GAS2: variants seen among roughly 807,000 people sequenced by gnomAD.
GAS2 encodes the protein growth arrest specific 2, also known as growth arrest-specific protein 2.
GAS2 carries 20 observed loss-of-function variants against 37.5 expected under a neutral mutation model. The ratio of observed to expected loss-of-function variants is 0.53; its 90% CI spans 0.37 to 0.77. The LOEUF (loss-of-function observed/expected upper bound fraction) is 0.77. Ranked by LOEUF, GAS2 falls within the 30% of genes least tolerant of loss-of-function variation. GAS2 has a pLI of 0.00. For missense variants in GAS2, 336 were observed against 373.4 expected, an observed-to-expected ratio of 0.90 and a Z score of 0.82; for synonymous variants, 144 against 132.2, an observed-to-expected ratio of 1.09 and a Z score of -0.61.
chr11:22,661,379 A>G (rs1368670151), intron 1 of GAS2, among the ~76,000 whole-genome samples: 1 of 152,162 alleles, frequency 6.6e-6, no homozygotes, highest in African/African-American at 2.4e-5. Flanking sequence ...TAGGCTTGGT[A>G]TTGTGATAAA....
chr11:22,731,274 C>A, intron 4 of GAS2: 1 of 402,694 alleles, frequency 2.5e-6, no homozygotes, highest in Admixed American at 2.8e-5. Flanking sequence ...TAAAAATACA[C>A]ACTTTTTTTG....
chr11:22,789,100 A>T (rs550790370), intron 7 of GAS2, among the ~76,000 whole-genome samples: 239 of 150,888 alleles, frequency 1.6e-3, no homozygotes, highest in Non-Finnish European at 2.9e-3. Context: ...AAATATAATT[A>T]TATATATAAT....
At chr11:22,769,127 T>C (rs1166845019) in intron 7 of GAS2, among the ~76,000 whole-genome samples, 3 of 152,194 alleles carry the variant, frequency 2.0e-5, no homozygotes, top group Non-Finnish European at 4.4e-5. Flanking sequence ...GTCCACCTGG[T>C]AGGACTTAAC....
chr11:22,650,016 T>C (rs1216599975), intron 1 of GAS2, among the ~76,000 whole-genome samples: 2 of 151,908 alleles, frequency 1.3e-5, no homozygotes, highest in Non-Finnish European at 2.9e-5. Flanking sequence ...TGTTAGGGTG[T>C]CAATTTTGGA....
At chr11:22,806,171 C>T (rs1856874001) in intron 7 of GAS2, among the ~76,000 whole-genome samples, 1 of 152,156 alleles carries the variant, frequency 6.6e-6, no homozygotes, top group Non-Finnish European at 1.5e-5. Context: ...CTCTCATTCA[C>T]ATGCCTCCGA....
chr11:22,659,546 C>T (rs796242348), intron 1 of GAS2, among the ~76,000 whole-genome samples: 9 of 152,226 alleles, frequency 5.9e-5, no homozygotes, highest in African/African-American at 1.9e-4. Flanking sequence ...AAGCCTTCTT[C>T]GGTATTCTTT....
Position 22,811,963 on chromosome 11 carries a change from G to C in GAS2, c.889G>C (p.Asp297His). The C allele has an allele frequency of 6.2e-7, 1 of 1,614,088 alleles. No homozygotes were observed. Among genetic ancestry groups the C allele is most frequent in the East Asian group, 2.2e-5 (1 of 44,874 alleles). The change falls in exon 8 of 8, where the codon GAT becomes CAT. Residue 297 changes from aspartate to histidine, a missense_variant. By Grantham distance (81) the Asp-to-His change is moderately conservative. Coordinates refer to ENST00000454584, the MANE Select transcript of GAS2 (RefSeq NM_001143830.3). The stretch of plus-strand genomic sequence containing the variant: ...TCCAACTCTAAAGGACATGAATCCA[G>C]ATAACTACTTGGTGGTCTCTGCCAG... ...KSPTLKDMNP[D>H]NYLVVSASYK...
At chr11:22,719,588 G>C (rs1438534550) in intron 3 of GAS2, among the ~76,000 whole-genome samples, 1 of 152,006 alleles carries the variant, frequency 6.6e-6, no homozygotes, top group African/African-American at 2.4e-5. Context: ...ATACAGAATA[G>C]TTTCACTGAC....
chr11:22,780,900 C>T (rs1195451578), intron 7 of GAS2, among the ~76,000 whole-genome samples: 3 of 152,130 alleles, frequency 2.0e-5, no homozygotes, highest in African/African-American at 7.2e-5. Flanking sequence ...TTCAATCAGC[C>T]TTCTATGTCT....
intron 7 of GAS2, among the ~76,000 whole-genome samples, chr11:22,808,352 C>T (rs915067796): frequency 6.6e-6 from 1 of 152,152 alleles, no homozygotes; most frequent in African/African-American, 2.4e-5. Flanking sequence ...CTAATCCTCC[C>T]CTATTGACTG....
chr11:22,707,245 C>G (rs959329227), intron 3 of GAS2, among the ~76,000 whole-genome samples: 1 of 151,602 alleles, frequency 6.6e-6, no homozygotes. Flanking sequence ...ATTGGGGAAA[C>G]ATCATTGTTT....
intron 4 of GAS2, among the ~76,000 whole-genome samples, chr11:22,727,159 A>C (rs1244218814): frequency 6.6e-6 from 1 of 152,092 alleles, no homozygotes; most frequent in African/African-American, 2.4e-5. Flanking sequence ...TAACATGTTC[A>C]AACTTTCCAT....
At chr11:22,726,605 A>G (rs1852228930) in intron 4 of GAS2, among the ~76,000 whole-genome samples, 172 bp downstream of exon 4, 1 of 152,140 alleles carries the variant, frequency 6.6e-6, no homozygotes. Context: ...TACTTTGAAA[A>G]TAGAAAAATG....
intron 4 of GAS2, among the ~76,000 whole-genome samples, chr11:22,729,028 G>A (rs1413828985): frequency 6.6e-6 from 1 of 151,194 alleles, no homozygotes; most frequent in African/African-American, 2.4e-5. Flanking sequence ...GAAATTTGGG[G>A]CAAGGCTTTT....
intron 1 of GAS2, among the ~76,000 whole-genome samples, chr11:22,656,788 G>A (rs1048194967): frequency 6.6e-6 from 1 of 150,400 alleles, no homozygotes; most frequent in African/African-American, 2.4e-5. Flanking sequence ...TTGTCATGAT[G>A]TGTGTGTGTG....
At chr11:22,756,362 A>C (rs565930235) in intron 7 of GAS2, among the ~76,000 whole-genome samples, 22 of 152,310 alleles carry the variant, frequency 1.4e-4, no homozygotes, top group African/African-American at 5.0e-4. Context: ...AGTTGTAAAT[A>C]AAAGTAATTT....
intron 2 of GAS2, among the ~76,000 whole-genome samples, chr11:22,679,136 A>C (rs1259500124): frequency 1.3e-5 from 2 of 152,036 alleles, no homozygotes; most frequent in African/African-American, 4.8e-5. Flanking sequence ...GGATATATCT[A>C]CTGATCTTAT....
intron 3 of GAS2, among the ~76,000 whole-genome samples, chr11:22,707,001 T>A (rs572452973): frequency 6.6e-6 from 1 of 152,218 alleles, no homozygotes; most frequent in South Asian, 2.1e-4. Context: ...CACCTGTTGT[T>A]TCCTGACTTT....
At chr11:22,702,987 A>G (rs1850923835) in intron 3 of GAS2, among the ~76,000 whole-genome samples, 2 of 152,196 alleles carry the variant, frequency 1.3e-5, no homozygotes, top group Admixed American at 6.6e-5. Flanking sequence ...GGTAGTGTAA[A>G]TAACAGTTGC....
Sources: gnomAD v4.1 joint callset for allele counts (sites outside exome capture counted in the v4.1 genomes callset) on GRCh38, gnomAD v4.1.1 for gene constraint, MANE v1.5 for transcripts, NCBI Gene and HGNC (gene_info 2026-07-23, HGNC 2026-07-21) for gene names.